DIAPH2: variants seen among roughly 807,000 people sequenced by gnomAD.
DIAPH2 encodes protein diaphanous homolog 2.
A neutral mutation model predicts 92.7 loss-of-function variants in DIAPH2; 35 were observed. The ratio of observed to expected loss-of-function variants is 0.38; its 90% confidence interval spans 0.29 to 0.50. DIAPH2 has a LOEUF of 0.50. Among genes scored for constraint, DIAPH2 ranks in the 20% least tolerant of loss-of-function variants. DIAPH2 has a pLI of 0.94. For missense variants in DIAPH2, 701 were observed against 819.5 expected, an observed-to-expected ratio of 0.86 and a Z score of 1.77; for synonymous variants, 301 against 280.4, an observed-to-expected ratio of 1.07 and a Z score of -0.73.
intron 26 of DIAPH2, among the ~76,000 whole-genome samples, chrX:97,529,405 A>G (rs1469042374): frequency 2.7e-5 from 3 of 112,189 alleles, no homozygotes; most frequent in African/African-American, 9.7e-5. Context: ...GCTGTTTACC[A>G]GCTGATGAAC....
At chrX:97,223,428 A>AC (rs1348242310) in intron 22 of DIAPH2, among the ~76,000 whole-genome samples, 1 of 109,741 alleles carries the variant, frequency 9.1e-6, no homozygotes, top group Non-Finnish European at 1.9e-5. Context: ...ACTGTTTTTA[A>AC]CCCCCCACCA....
intron 17 of DIAPH2, among the ~76,000 whole-genome samples, chrX:97,060,309 A>G (rs1335493455): frequency 3.6e-5 from 4 of 112,471 alleles, no homozygotes; most frequent in Non-Finnish European, 7.5e-5. Context: ...TGCTGTCCTG[A>G]TCCAGTCAAA....
intron 21 of DIAPH2, among the ~76,000 whole-genome samples, chrX:97,140,641 C>A (rs1196949341): frequency 9.0e-6 from 1 of 111,389 alleles, no homozygotes; most frequent in Non-Finnish European, 1.9e-5. Flanking sequence ...TGTTAAAAAC[C>A]TGTAGAACAA....
chrX:96,865,765 A>T lies in DIAPH2; in HGVS notation c.448-15814A>T, dbSNP rs141577135. ...CTGCTTTTCAAGATTGTTTCTAAGG[A>T]TTAGGATAATAAATTTAGTGAGTAG... On this transcript the variant is annotated intron_variant, in intron 4 of 26. Transcript: ENST00000324765. Among the ~76,000 whole-genome samples the T allele has an allele frequency of 6.4e-3, 722 of 112,031 alleles. 5 individuals carry two copies. The highest frequency in any genetic ancestry group is 0.023 in the African/African-American group (698 of 30,837).
intron 26 of DIAPH2, among the ~76,000 whole-genome samples, chrX:97,440,566 T>C (rs1602591452): frequency 1.2e-5 from 1 of 85,437 alleles, no homozygotes; most frequent in East Asian, 3.5e-4. Context: ...CACTCCAGCC[T>C]GGGGGACAAG....
At chrX:97,246,517 G>GTGTT (rs1174841714) in intron 22 of DIAPH2, among the ~76,000 whole-genome samples, 1 of 111,994 alleles carries the variant, frequency 8.9e-6, no homozygotes, top group Non-Finnish European at 1.9e-5. Context: ...TTTAGTGTTA[G>GTGTT]TGTTTGATTT....
At position 97,383,986 on chromosome X, in the gene DIAPH2, T is replaced by C. The variant is rs765611045; in HGVS notation, c.3087T>C (p.Ala1029=). 1.7e-6 allele frequency: 2 copies of C among 1,205,372 alleles called. No individual in the cohort carries two copies. Among genetic ancestry groups the C allele is most frequent in the Non-Finnish European group, 2.2e-6 (2 of 891,766 alleles). The change falls in exon 25 of 27, where the codon GCT becomes GCC. Residue 1029 remains alanine, a synonymous_variant. Transcript: ENST00000324765. ...TRRAKLAKEK[A]EQEKLERQKK... ...GGGCAAAACTTGCAAAAGAGAAAGC[T>C]GAACAAGAAAAGTTAGAACGCCAGA...
At chrX:97,471,549 G>C (rs1049080501) in intron 26 of DIAPH2, among the ~76,000 whole-genome samples, 1 of 109,241 alleles carries the variant, frequency 9.2e-6, no homozygotes, top group African/African-American at 3.3e-5. Context: ...AAAATCAGCC[G>C]GGCGTGGTGG....
At chrX:97,483,277 CT>C (rs1265369149) in intron 26 of DIAPH2, among the ~76,000 whole-genome samples, 1 of 110,513 alleles carries the variant, frequency 9.0e-6, no homozygotes, top group Non-Finnish European at 1.9e-5. Context: ...ACTGAATTTC[CT>C]TGAAGCAATA....
intron 1 of DIAPH2, among the ~76,000 whole-genome samples, chrX:96,692,524 C>G (rs2063803145): frequency 8.9e-6 from 1 of 111,914 alleles, no homozygotes; most frequent in African/African-American, 3.2e-5. Context: ...TATCATAAAG[C>G]CTCAGCCCAA....
chrX:97,042,597 A>G (rs1156614330), intron 17 of DIAPH2, among the ~76,000 whole-genome samples: 3 of 112,224 alleles, frequency 2.7e-5, no homozygotes, highest in Admixed American at 1.9e-4. Flanking sequence ...TATGCATATC[A>G]GAAAAACTGA....
intron 20 of DIAPH2, among the ~76,000 whole-genome samples, chrX:97,112,765 C>CTTTTTTTTTTTTTTTTTTT (rs60721723): frequency 1.6e-4 from 6 of 37,236 alleles, no homozygotes; most frequent in African/African-American, 6.1e-4. Flanking sequence ...CCCTTTCTTT[C>CTTTTTTTTTTTTTTTTTTT]TTTTTTTTTT....
chrX:96,877,007 T>C (rs1414126711), intron 4 of DIAPH2, among the ~76,000 whole-genome samples: 2 of 111,838 alleles, frequency 1.8e-5, no homozygotes, highest in Non-Finnish European at 3.8e-5. Flanking sequence ...GATACATAAA[T>C]TACATAACTG....
At chrX:97,527,100 A>G (rs1420525097) in intron 26 of DIAPH2, among the ~76,000 whole-genome samples, 1 of 112,359 alleles carries the variant, frequency 8.9e-6, no homozygotes, top group South Asian at 3.7e-4. Flanking sequence ...AGCGAAAGAA[A>G]AATTCTAAAT....
At chrX:97,504,058 T>G (rs2070816792) in intron 26 of DIAPH2, among the ~76,000 whole-genome samples, 1 of 112,027 alleles carries the variant, frequency 8.9e-6, no homozygotes, top group Admixed American at 9.5e-5. Flanking sequence ...AATGCCCCAA[T>G]GTACCTTTTG....
chrX:97,190,833 CAAAA>C (rs34703572), intron 22 of DIAPH2, among the ~76,000 whole-genome samples: 111 of 72,757 alleles, frequency 1.5e-3, no homozygotes, highest in Middle Eastern at 7.5e-3. Context: ...GACTCCATTT[CAAAA>C]AAAAAAAAAA....
chrX:97,074,235 C>T (rs752667579), intron 18 of DIAPH2, among the ~76,000 whole-genome samples: 3 of 110,828 alleles, frequency 2.7e-5, no homozygotes, highest in East Asian at 5.7e-4. Context: ...GGTGAAACCC[C>T]GCCTCTACTA....
chrX:97,465,355 C>T (rs962968941), intron 26 of DIAPH2, among the ~76,000 whole-genome samples: 1 of 111,495 alleles, frequency 9.0e-6, no homozygotes, highest in Non-Finnish European at 1.9e-5. Flanking sequence ...GTAGATTCTA[C>T]ATTCATGGAT....
chrX:96,875,007 C>T (rs1484437114), intron 4 of DIAPH2, among the ~76,000 whole-genome samples: 1 of 111,985 alleles, frequency 8.9e-6, no homozygotes, highest in East Asian at 2.8e-4. Flanking sequence ...GAATATTCCA[C>T]ACCTGACCTC....
Sources: allele counts gnomAD v4.1 joint callset (sites outside exome capture counted in the v4.1 genomes callset), GRCh38; gene constraint gnomAD v4.1.1; transcripts MANE v1.5; gene names NCBI Gene and HGNC (gene_info 2026-07-23, HGNC 2026-07-21).